Variants in ZDHHC14 observed in about 807,000 individuals in gnomAD.
The protein encoded by ZDHHC14 is palmitoyltransferase ZDHHC14.
A neutral mutation model predicts 47.7 loss-of-function variants in ZDHHC14; 16 were observed. The ratio of observed to expected loss-of-function variants is 0.34; its 90% confidence interval spans 0.23 to 0.51. ZDHHC14 has a LOEUF of 0.51. Ranked by LOEUF, ZDHHC14 falls within the 20% of genes least tolerant of loss-of-function variation. The pLI, the probability that ZDHHC14 is intolerant of heterozygous loss-of-function variation, is 0.97. For missense variants in ZDHHC14, 515 were observed against 662.5 expected, an observed-to-expected ratio of 0.78 and a Z score of 2.44; for synonymous variants, 293 against 278.9, an observed-to-expected ratio of 1.05 and a Z score of -0.50.
intron 5 of ZDHHC14, among the ~76,000 whole-genome samples, chr6:157,634,281 G>A (rs1213853202): frequency 2.0e-5 from 3 of 152,170 alleles, no homozygotes; most frequent in Non-Finnish European, 4.4e-5. Context: ...GTACAAAGGG[G>A]ACTTGGAGGA....
At chr6:157,598,913 A>G (rs918701157) in intron 3 of ZDHHC14, among the ~76,000 whole-genome samples, 4 of 152,236 alleles carry the variant, frequency 2.6e-5, no homozygotes, top group African/African-American at 7.2e-5. Flanking sequence ...ATGTCATCTG[A>G]TGAAACAATA....
At chr6:157,480,460 G>A (rs1779600365) in intron 1 of ZDHHC14, among the ~76,000 whole-genome samples, 1 of 152,056 alleles carries the variant, frequency 6.6e-6, no homozygotes, top group African/African-American at 2.4e-5. Context: ...TAGAGACAGG[G>A]TTCACCATGT....
At chr6:157,417,327 T>C (rs1778003658) in intron 1 of ZDHHC14, among the ~76,000 whole-genome samples, 1 of 152,228 alleles carries the variant, frequency 6.6e-6, no homozygotes, top group African/African-American at 2.4e-5. Flanking sequence ...AAAGCATGTG[T>C]GTATATTTTA....
intron 3 of ZDHHC14, among the ~76,000 whole-genome samples, chr6:157,615,370 C>T (rs570727732): frequency 5.9e-5 from 9 of 152,324 alleles, no homozygotes; most frequent in African/African-American, 1.7e-4. Context: ...CCATTAGAGC[C>T]ACCAACCTGT....
At chr6:157,512,403 G>A (rs559573737) in intron 1 of ZDHHC14, among the ~76,000 whole-genome samples, 7 of 152,294 alleles carry the variant, frequency 4.6e-5, no homozygotes, top group Non-Finnish European at 5.9e-5. Flanking sequence ...GCCATTTTCC[G>A]CCTTAGGATT....
At chr6:157,592,816 G>A in intron 2 of ZDHHC14, 172 bp from the exon 3 acceptor site, 1 of 1,425,276 alleles carries the variant, frequency 7.0e-7, no homozygotes, top group Admixed American at 3.2e-5. Context: ...AGGAGGCCGG[G>A]GTCCCAGCGG....
rs374804235 is a variant in ZDHHC14, at chr6:157,601,690, A to G, written c.565+8544A>G. On this transcript the variant is annotated intron_variant, in intron 3 of 8. Transcript: ENST00000359775. ...TTCAAACCTAGAACGATGCAAGGAA[A>G]CATGCACTATTTGATATTATGAGGT... Among the ~76,000 whole-genome samples, 43 of 152,364 alleles carry G rather than the reference A, an allele frequency of 2.8e-4. 1 individual carries two copies. The highest frequency in any genetic ancestry group is 1.0e-3 in the African/African-American group (42 of 41,592).
intron 4 of ZDHHC14, chr6:157,630,612 T>G (rs1443695887): frequency 7.0e-6 from 1 of 143,874 alleles, no homozygotes; most frequent in African/African-American, 2.6e-5. Flanking sequence ...GCCACACTCA[T>G]GTATAACCAA....
At chr6:157,634,467 C>A (rs34191344) in intron 5 of ZDHHC14, among the ~76,000 whole-genome samples, 27,324 of 152,190 alleles carry the variant, frequency 0.18, 2,734 homozygotes, top group East Asian at 0.3. Context: ...GACATCCCCC[C>A]ACTATCACCT....
At chr6:157,481,391 G>A (rs562205335) in intron 1 of ZDHHC14, among the ~76,000 whole-genome samples, 22 of 147,630 alleles carry the variant, frequency 1.5e-4, no homozygotes, top group African/African-American at 3.2e-4. Context: ...CATGTGATGC[G>A]ACTGGTTGTA....
chr6:157,466,886 A>T (rs1300208846), intron 1 of ZDHHC14, among the ~76,000 whole-genome samples: 5 of 148,086 alleles, frequency 3.4e-5, no homozygotes, highest in African/African-American at 5.0e-5. Flanking sequence ...AAAAAATGTT[A>T]AAAAAAAAAG....
intron 1 of ZDHHC14, among the ~76,000 whole-genome samples, chr6:157,515,457 CTTTTTTTTTTTTTTTT>C (rs1187323622): frequency 6.2e-5 from 8 of 129,450 alleles, no homozygotes; most frequent in Admixed American, 2.3e-4. Flanking sequence ...TTTTCTTTTT[CTTTTTTTTTTTTTTTT>C]TTTTTGGAGA....
chr6:157,480,017 T>C (rs1174326123), intron 1 of ZDHHC14, among the ~76,000 whole-genome samples: 1 of 152,014 alleles, frequency 6.6e-6, no homozygotes, highest in African/African-American at 2.4e-5. Flanking sequence ...TGCAGGCACA[T>C]TGGGAGGGCC....
At chr6:157,501,849 T>C (rs1001926464) in intron 1 of ZDHHC14, among the ~76,000 whole-genome samples, 5 of 152,204 alleles carry the variant, frequency 3.3e-5, no homozygotes, top group Non-Finnish European at 7.3e-5. Flanking sequence ...AGAATATAAT[T>C]TAATTGAATG....
intron 1 of ZDHHC14, among the ~76,000 whole-genome samples, chr6:157,414,272 C>T (rs1039766919): frequency 6.6e-6 from 1 of 152,156 alleles, no homozygotes; most frequent in African/African-American, 2.4e-5. Context: ...CTCTGGCATG[C>T]CCACGGCGAA....
At position 157,517,412 on chromosome 6, in the gene ZDHHC14, G is replaced by T. The variant is rs147514461; in HGVS notation, c.246-25173G>T. Among the ~76,000 whole-genome samples, 324 of 151,850 alleles carry T rather than the reference G, an allele frequency of 2.1e-3. 2 individuals are homozygous for T. The highest frequency in any genetic ancestry group is 7.7e-3 in the African/African-American group (317 of 41,360). ...TATAACCTCCGCCTCCCGGGTTCAA[G>T]CGATTCTCCTGCCTCAGCCTCCCGA... On this transcript the variant is annotated intron_variant, in intron 1 of 8. Coordinates refer to ENST00000359775, the MANE Select transcript of ZDHHC14 (RefSeq NM_024630.3).
chr6:157,590,850 G>C (rs947740266), intron 2 of ZDHHC14, among the ~76,000 whole-genome samples: 1 of 152,252 alleles, frequency 6.6e-6, no homozygotes, highest in African/African-American at 2.4e-5. Context: ...AGTTGGGAGG[G>C]GGGTTGTACC....
At chr6:157,462,863 A>G (rs1779125814) in intron 1 of ZDHHC14, among the ~76,000 whole-genome samples, 1 of 152,174 alleles carries the variant, frequency 6.6e-6, no homozygotes, top group African/African-American at 2.4e-5. Flanking sequence ...AGCTGAAGTT[A>G]CCCATTAAGG....
At chr6:157,558,447 A>G (rs187021165) in intron 2 of ZDHHC14, among the ~76,000 whole-genome samples, 4 of 152,332 alleles carry the variant, frequency 2.6e-5, no homozygotes, top group East Asian at 3.9e-4. Context: ...AGAGTAGCCA[A>G]TCGAGAGGGC....
Sources: allele counts gnomAD v4.1 joint callset (sites outside exome capture counted in the v4.1 genomes callset), GRCh38; gene constraint gnomAD v4.1.1; transcripts MANE v1.5; gene names NCBI Gene and HGNC (gene_info 2026-07-23, HGNC 2026-07-21).